The following CCT2 variants were observed in gnomAD, a reference collection of about 807,000 sequenced individuals.
The protein encoded by CCT2 is T-complex protein 1 subunit beta.
In CCT2, 18 loss-of-function variants were observed where a neutral mutation model predicts 61.8. The observed-to-expected ratio is 0.29, with a 90% CI of 0.20 to 0.43. The LOEUF is 0.43. Ranked by LOEUF, CCT2 falls within the 20% of genes least tolerant of loss-of-function variation. CCT2 has a pLI of 1.00. For missense variants in CCT2, 556 were observed against 656.9 expected, an observed-to-expected ratio of 0.85 and a Z score of 1.68; for synonymous variants, 248 against 215.9, an observed-to-expected ratio of 1.15 and a Z score of -1.30.
At chr12:69,592,924 T>G in intron 8 of CCT2, 52 bp from the exon 9 acceptor site, 3 of 1,581,226 alleles carry the variant, frequency 1.9e-6, no homozygotes, top group Non-Finnish European at 2.6e-6. Flanking sequence ...CGAGACTCAA[T>G]CTCAAAAAAA....
Position 69,597,752 on chromosome 12 carries a change from C to G in CCT2, c.1217C>G (p.Thr406Arg). ...VLAQTVKDSR[T>R]VYGGGCSEML... Reference sequence around the variant, plus strand: ...GCGCAAACTGTAAAGGACTCTAGAACAGTTTATGGAGGAGGTAAGCATTTA... The same window carrying G: ...GCGCAAACTGTAAAGGACTCTAGAAGAGTTTATGGAGGAGGTAAGCATTTA... Residue 406 changes from threonine to arginine, a missense_variant, in exon 12 of 16, where the codon ACA becomes AGA. This residue lies in a region of CCT2 where 225 missense variants were observed against 249.8 expected (regional missense o/e 0.90). Coordinates refer to ENST00000299300, the MANE Select transcript of CCT2 (RefSeq NM_006431.3). The G allele has an allele frequency of 1.9e-6, 3 of 1,612,308 alleles. No individual in the cohort carries two copies. The highest frequency in any genetic ancestry group is 1.7e-6 in the Non-Finnish European group (2 of 1,178,754).
At chr12:69,593,452 A>G (rs1237224082) in intron 9 of CCT2, 58 bp from the exon 10 acceptor site, 14 of 1,112,948 alleles carry the variant, frequency 1.3e-5, no homozygotes, top group Non-Finnish European at 1.7e-5. Context: ...TTTTTAGTCT[A>G]ATGTAGTTTA....
At chr12:69,589,719 G>T (rs751760656) in intron 7 of CCT2, 32 bp downstream of exon 7, 50 of 1,535,206 alleles carry the variant, frequency 3.3e-5, no homozygotes, top group Non-Finnish European at 4.3e-5. Flanking sequence ...AAGAAGCTTT[G>T]ATTAGATGCT....
At chr12:69,586,181 G>A in intron 1 of CCT2, 89 bp from the exon 2 acceptor site, 2 of 1,151,266 alleles carry the variant, frequency 1.7e-6, no homozygotes, top group Non-Finnish European at 2.6e-6. Flanking sequence ...TCTCTTAGAT[G>A]TCCACTTGTA....
intron 8 of CCT2, 75 bp from the exon 9 acceptor site, chr12:69,592,901 C>A: frequency 1.4e-6 from 2 of 1,455,930 alleles, no homozygotes; most frequent in Non-Finnish European, 1.9e-6. Flanking sequence ...GCACTCCAGC[C>A]TGGGCAACAG....
chr12:69,586,667 C>CAA (rs371280517), intron 2 of CCT2, 86 bp from the exon 3 acceptor site: 2,524 of 800,460 alleles, frequency 3.2e-3, no homozygotes, highest in Non-Finnish European at 3.6e-3. Flanking sequence ...CACTCTGCCT[C>CAA]AAAAAAAAAA....
chr12:69,599,256 A>AT (rs148426010), intron 14 of CCT2, among the ~76,000 whole-genome samples: 3,043 of 152,002 alleles, frequency 0.02, 109 homozygotes, highest in African/African-American at 0.069. Flanking sequence ...TGACTAAATT[A>AT]TTTTTATTTT....
Position 69,599,945 on chromosome 12 carries a change from T to A in CCT2, c.1518T>A (p.Ser506Arg). The A allele has an allele frequency of 6.2e-7, 1 of 1,613,982 alleles. No homozygotes were observed. ...SFQVKRQVLL[S>R]AAEAAEVILR... The stretch of plus-strand genomic sequence containing the variant: ...AAGTGAAGCGACAGGTTCTTCTGAG[T>A]GCAGCTGAAGCAGCAGAGGTGATTC... The change falls in exon 15 of 16, where the codon AGT (serine) becomes AGA (arginine). Residue 506 changes from serine (S) to arginine (R), a missense_variant. Physicochemically the swap from Ser to Arg is moderately radical, Grantham distance 110. This residue lies in a region of CCT2 where 225 missense variants were observed against 249.8 expected (regional missense o/e 0.90). Coordinates refer to ENST00000299300, the MANE Select transcript of CCT2 (RefSeq NM_006431.3).
At position 69,592,927 on chromosome 12, in the gene CCT2, C is replaced by CA. The variant is rs763570056; in HGVS notation, c.751-41dup. The CA allele has an allele frequency of 2.5e-4, 400 of 1,577,978 alleles. 1 individual carries two copies. Among genetic ancestry groups the CA allele is most frequent in the Non-Finnish European group, 3.2e-4 (371 of 1,158,416 alleles). On this transcript the variant is annotated intron_variant, in intron 8 of 15. Coordinates refer to ENST00000299300, the MANE Select transcript of CCT2 (RefSeq NM_006431.3). Reference sequence around the variant, plus strand: ...TGGGCAACAGAGCGAGACTCAATCTCAAAAAAAATAATGAAACTGATGCTC... The same window carrying CA: ...TGGGCAACAGAGCGAGACTCAATCTCAAAAAAAAATAATGAAACTGATGCTC...
chr12:69,598,885 T>G (rs1882071128), intron 14 of CCT2, among the ~76,000 whole-genome samples: 1 of 149,488 alleles, frequency 6.7e-6, no homozygotes, highest in African/African-American at 2.6e-5. Flanking sequence ...TGCTGGACAT[T>G]ATAGAGTAGT....
At chr12:69,595,047 GTTGGT>G (rs1269645627) in intron 10 of CCT2, among the ~76,000 whole-genome samples, 3 of 134,876 alleles carry the variant, frequency 2.2e-5, no homozygotes, top group Non-Finnish European at 4.6e-5. Context: ...AGGTTGGAAA[GTTGGT>G]TTGGGAATGA....
intron 15 of CCT2, 33 bp downstream of exon 15, chr12:69,600,037 A>T (rs186346532): frequency 2.6e-4 from 415 of 1,569,076 alleles, no homozygotes; most frequent in Non-Finnish European, 3.4e-4. Context: ...AAAAATTACT[A>T]ACAGCAAAAC....
intron 5 of CCT2, 26 bp from the exon 6 acceptor site, chr12:69,588,124 C>G: frequency 3.2e-6 from 5 of 1,582,926 alleles, no homozygotes; most frequent in Middle Eastern, 1.7e-4. Context: ...CTATTTATAA[C>G]TTTTGTTTTA....
At chr12:69,585,765 C>G (rs1881630159) in intron 1 of CCT2, 1 of 1,414,174 alleles carries the variant, frequency 7.1e-7, no homozygotes, top group African/African-American at 1.4e-5. Context: ...TTGCATAGTC[C>G]CGGCAGCCCA....
Position 69,592,081 on chromosome 12 carries a change from T to A in CCT2, c.672T>A (p.Ile224=). 1 of 1,592,398 alleles carries A rather than the reference T, an allele frequency of 6.3e-7. No homozygotes were observed. Among genetic ancestry groups the A allele is most frequent in the Non-Finnish European group, 8.6e-7 (1 of 1,160,482 alleles). The stretch of plus-strand genomic sequence containing the variant: ...TAGGCTTCCTGTTGGATAAAAAAAT[T>A]GGAGTAAATCAACCAAAACGAATTG... ...LDEGFLLDKK[I]GVNQPKRIEN... is the part of the protein sequence containing the mutation. The change falls in exon 8 of 16, where the codon ATT becomes ATA. Residue 224 remains isoleucine, a synonymous_variant. Transcript: ENST00000299300.
At position 69,597,169 on chromosome 12, in the gene CCT2, C is replaced by T; in HGVS notation, c.996C>T (p.Ala332=). 6.2e-7 allele frequency: 1 copy of T among 1,613,700 alleles called. No individual in the cohort carries two copies. Among genetic ancestry groups the T allele is most frequent in the Non-Finnish European group, 8.5e-7 (1 of 1,179,732 alleles). The change falls in exon 11 of 16, where the codon GCC becomes GCT. Residue 332 remains alanine (A), a synonymous_variant. Coordinates refer to ENST00000299300, the MANE Select transcript of CCT2 (RefSeq NM_006431.3). ...TTATGTTTATAGGTGGTGAAATTGC[C>T]TCTACCTTTGATCACCCAGAACTGG... ...RLALVTGGEI[A]STFDHPELVK...
chr12:69,586,295 A>G lies in CCT2; in HGVS notation c.29A>G (p.Asn10Ser), dbSNP rs1180309704. Residue 10 changes from asparagine (N) to serine (S), a missense_variant, in exon 2 of 16, where the codon AAC (asparagine) becomes AGC (serine). Coordinates refer to ENST00000299300, the MANE Select transcript of CCT2 (RefSeq NM_006431.3). Reference protein sequence around the residue: MASLSLAPVNIFKAGADEER... With the variant: MASLSLAPVSIFKAGADEER... ...GCGTCCCTTTCCCTTGCACCTGTTA[A>G]CATCTTTAAGGCAGGAGCTGATGAA... 2 of 1,613,722 alleles carry G rather than the reference A, an allele frequency of 1.2e-6. No homozygotes were observed. The highest frequency in any genetic ancestry group is 1.7e-6 in the Non-Finnish European group (2 of 1,179,658).
rs1882091309 is a variant in CCT2 at position 69,599,615 on chromosome 12, G to C, written c.1436-248G>C. The C allele has an allele frequency of 2.2e-5, 5 of 228,392 alleles. 1 individual carries two copies. The highest frequency in any genetic ancestry group is 4.2e-5 in the Non-Finnish European group (5 of 119,196). The allele number at this position is 228,392 out of a possible 1,614,324, so 14.1% of individuals were successfully genotyped here. A position where few individuals can be genotyped will look rare whatever the true frequency, so the allele number is the denominator to read the frequency against. On this transcript the variant is annotated intron_variant, in intron 14 of 15. Transcript: ENST00000299300. ...TTTGCCAGGCTGGTCTCCAACTCCT[G>C]ACCTTAGGTGATCTACCTGCCTCAG...
intron 6 of CCT2, 138 bp downstream of exon 6, chr12:69,588,400 A>G (rs1264824184): frequency 1.6e-5 from 10 of 634,404 alleles, no homozygotes; most frequent in Non-Finnish European, 2.7e-5. Flanking sequence ...AGTCAAACCT[A>G]CATCAGCCTC....
Sources: allele counts gnomAD v4.1 joint callset (sites outside exome capture counted in the v4.1 genomes callset), GRCh38; gene constraint gnomAD v4.1.1; regional missense constraint gnomAD v4.1.1; transcripts MANE v1.5; gene names NCBI Gene and HGNC (gene_info 2026-07-23, HGNC 2026-07-21).